The following TSKS variants were observed in gnomAD, a reference collection of about 807,000 sequenced individuals.
TSKS encodes the protein testis-specific serine kinase substrate.
A neutral mutation model predicts 68.0 loss-of-function variants in TSKS; 27 were observed. The observed-to-expected ratio is 0.40, with a 90% CI of 0.29 to 0.55. The LOEUF (loss-of-function observed/expected upper bound fraction) is 0.55, where lower values mean the gene tolerates loss of function less well. TSKS is among the 20% of genes least tolerant of loss of function. The pLI, the probability that TSKS is intolerant of heterozygous loss-of-function variation, is 0.53. For missense variants in TSKS, 806 were observed against 776.0 expected (o/e 1.04, Z -0.46); for synonymous variants, 331 against 340.4 (o/e 0.97, Z 0.30).
At chr19:49,745,614 G>C (rs2084292003) in intron 6 of TSKS, among the ~76,000 whole-genome samples, 1 of 151,940 alleles carries the variant, frequency 6.6e-6, no homozygotes, top group African/African-American at 2.4e-5. Flanking sequence ...TCCTTTATTG[G>C]CTATCTTGGC....
intron 1 of TSKS, among the ~76,000 whole-genome samples, chr19:49,762,722 C>T (rs886794028): frequency 1.3e-5 from 2 of 151,948 alleles, no homozygotes; most frequent in Non-Finnish European, 2.9e-5. Flanking sequence ...CCACCGTGCC[C>T]GACCACCACT....
intron 10 of TSKS, 59 bp downstream of exon 10, chr19:49,740,000 G>T: frequency 6.2e-7 from 1 of 1,611,746 alleles, no homozygotes; most frequent in South Asian, 1.1e-5. Context: ...TGGAAGGGGA[G>T]ATCAGGCCCT....
intron 4 of TSKS, 92 bp downstream of exon 4, chr19:49,747,993 G>C: frequency 8.2e-7 from 1 of 1,226,226 alleles, no homozygotes. Flanking sequence ...ACAGATGTGA[G>C]CCACTGCACC....
At chr19:49,751,301 CA>C (rs55750605) in intron 2 of TSKS, among the ~76,000 whole-genome samples, 2,902 of 35,202 alleles carry the variant, frequency 0.082, 36 homozygotes, top group African/African-American at 0.19. Flanking sequence ...GATTCCATCT[CA>C]AAAAAAAAAA....
chr19:49,760,389 C>T (rs2084430494), intron 2 of TSKS, among the ~76,000 whole-genome samples: 1 of 151,382 alleles, frequency 6.6e-6, no homozygotes, highest in South Asian at 2.1e-4. Context: ...GGCGTGATCT[C>T]GGCTCACTGC....
At chr19:49,762,258 G>A in intron 1 of TSKS, 26 bp from the exon 2 acceptor site, 3 of 1,596,992 alleles carry the variant, frequency 1.9e-6, no homozygotes, top group Non-Finnish European at 1.7e-6. Flanking sequence ...AGGCAGAAAA[G>A]TGGAGAAGCA....
chr19:49,758,545 C>T (rs747275763), intron 2 of TSKS, among the ~76,000 whole-genome samples: 27 of 152,156 alleles, frequency 1.8e-4, no homozygotes, highest in Non-Finnish European at 2.6e-4. Context: ...AGGGACACTC[C>T]CCAAGACAGG....
intron 8 of TSKS, 129 bp downstream of exon 8, chr19:49,744,102 A>G (rs1259013927): frequency 1.1e-6 from 1 of 941,896 alleles, no homozygotes; most frequent in Non-Finnish European, 1.6e-6. Flanking sequence ...GGCTGTTTCT[A>G]CAATGCACTG....
intron 8 of TSKS, 115 bp from the exon 9 acceptor site, chr19:49,742,135 G>T: frequency 8.4e-7 from 1 of 1,190,914 alleles, no homozygotes; most frequent in Non-Finnish European, 1.2e-6. Context: ...TGCACCCTAT[G>T]CAACCTTCCC....
At chr19:49,740,004 AG>A in intron 10 of TSKS, 54 bp downstream of exon 10, 1 of 1,611,784 alleles carries the variant, frequency 6.2e-7, no homozygotes, top group South Asian at 1.1e-5. Flanking sequence ...AGGGGAGATC[AG>A]GCCCTTTCCC....
Position 49,745,414 on chromosome 19 carries a change from G to A in TSKS, c.993-18C>T, listed in dbSNP as rs1437214712. 3 of 1,519,368 alleles carry A rather than the reference G, an allele frequency of 2.0e-6. No homozygotes were observed. The East Asian group carries it at 7.3e-5, about 37-fold the overall frequency. The allele number at this position is 1,519,368 out of a possible 1,614,324, so 94.1% of individuals were successfully genotyped here. The stretch of plus-strand genomic sequence containing the variant: ...CCTCTCTCCTGGAGGGGCAGAGGAG[G>A]GGAATGGGTAGGGGCTAGGCTTCAA... On this transcript the variant is annotated intron_variant, in intron 6 of 10. Coordinates refer to ENST00000246801, the MANE Select transcript of TSKS (RefSeq NM_021733.2).
chr19:49,742,204 C>A (rs572602208), intron 8 of TSKS, among the ~76,000 whole-genome samples, 184 bp from the exon 9 acceptor site: 12 of 152,112 alleles, frequency 7.9e-5, no homozygotes, highest in African/African-American at 2.9e-4. Flanking sequence ...GATCACTACT[C>A]CTTTTTTTTT....
intron 8 of TSKS, among the ~76,000 whole-genome samples, chr19:49,743,431 T>C (rs935855250): frequency 6.6e-6 from 1 of 151,562 alleles, no homozygotes; most frequent in African/African-American, 2.4e-5. Context: ...CCTACTAGGC[T>C]GGAGTGCAGT....
intron 6 of TSKS, 31 bp from the exon 7 acceptor site, chr19:49,745,427 G>C: frequency 6.7e-7 from 1 of 1,483,886 alleles, no homozygotes; most frequent in Non-Finnish European, 9.0e-7. Context: ...AATGGGTAGG[G>C]GCTAGGCTTC....
At chr19:49,751,280 G>A (rs1393795926) in intron 2 of TSKS, among the ~76,000 whole-genome samples, 8 of 142,528 alleles carry the variant, frequency 5.6e-5, no homozygotes, top group Non-Finnish European at 1.2e-4. Context: ...CTCCAGCCTG[G>A]GCGACAACGA....
chr19:49,759,192 C>T (rs866530027), intron 2 of TSKS, among the ~76,000 whole-genome samples: 4 of 150,534 alleles, frequency 2.7e-5, no homozygotes, highest in African/African-American at 7.3e-5. Context: ...TGGGTGAAGC[C>T]GGGAGCGGTG....
At chr19:49,744,542 G>C in intron 7 of TSKS, 138 bp from the exon 8 acceptor site, 1 of 790,570 alleles carries the variant, frequency 1.3e-6, no homozygotes, top group Non-Finnish European at 2.0e-6. Context: ...TCTCTGCTCT[G>C]ACTGGCCTCA....
chr19:49,761,374 C>T (rs2084438962), intron 2 of TSKS, among the ~76,000 whole-genome samples: 1 of 152,074 alleles, frequency 6.6e-6, no homozygotes, highest in African/African-American at 2.4e-5. Flanking sequence ...TCCCTAAGTC[C>T]CCCTAAATCT....
intron 2 of TSKS, among the ~76,000 whole-genome samples, chr19:49,759,152 C>T (rs991659670): frequency 2.6e-5 from 4 of 151,836 alleles, no homozygotes; most frequent in African/African-American, 4.8e-5. Context: ...CCACGAAGCC[C>T]GGCCTCAAAT....
Sources: allele counts gnomAD v4.1 joint callset (sites outside exome capture counted in the v4.1 genomes callset), GRCh38; gene constraint gnomAD v4.1.1; transcripts MANE v1.5; gene names NCBI Gene and HGNC (gene_info 2026-07-23, HGNC 2026-07-21).